Variants in UNC5C observed in about 807,000 individuals in gnomAD.
UNC5C encodes the protein netrin receptor UNC5C.
In UNC5C, 47 loss-of-function variants were observed where a neutral mutation model predicts 99.8. The observed-to-expected ratio is 0.47, with a 90% CI of 0.37 to 0.60. The LOEUF (loss-of-function observed/expected upper bound fraction) is 0.60, where lower values mean the gene tolerates loss of function less well. Among genes scored for constraint, UNC5C ranks in the 20% least tolerant of loss-of-function variants. The pLI, the probability that UNC5C is intolerant of heterozygous loss-of-function variation, is 0.00. For synonymous variants in UNC5C, 487 were observed against 452.2 expected, an observed-to-expected ratio of 1.08 and a Z score of -0.98; for missense variants, 1,062 against 1,165.9, an observed-to-expected ratio of 0.91 and a Z score of 1.30.
intron 1 of UNC5C, among the ~76,000 whole-genome samples, chr4:95,398,125 T>G (rs1224594337): frequency 7.4e-6 from 1 of 135,426 alleles, no homozygotes; most frequent in Non-Finnish European, 1.5e-5. Flanking sequence ...AGGAAGAAAA[T>G]TTATATCATT....
chr4:95,294,817 C>T (rs941450447), intron 3 of UNC5C, among the ~76,000 whole-genome samples: 1 of 152,150 alleles, frequency 6.6e-6, no homozygotes, highest in Non-Finnish European at 1.5e-5. Context: ...TATTATCATT[C>T]GCTGAGCATT....
rs1048050160 is a variant in UNC5C, at chr4:95,168,121, T to TTA, written c.*1112_*1113insTA. 93 of 151,406 alleles carry TTA rather than the reference T, an allele frequency of 6.1e-4. No homozygotes were observed. The highest frequency in any genetic ancestry group is 2.3e-3 in the African/African-American group (92 of 40,724). The allele number at this position is 151,406 out of a possible 1,614,324, so 9.4% of individuals were successfully genotyped here. Reference sequence around the variant, plus strand: ...ACGTGGGGCCACACAACGGCAATATTAAGTGAACTTAATAGAGAACACGTC... The same window carrying TTA: ...ACGTGGGGCCACACAACGGCAATATTTAAAGTGAACTTAATAGAGAACACGTC... On this transcript the variant is annotated 3_prime_UTR_variant, in exon 16 of 16. Transcript: ENST00000453304.
At chr4:95,514,027 C>T (rs755234347) in intron 1 of UNC5C, among the ~76,000 whole-genome samples, 1 of 152,150 alleles carries the variant, frequency 6.6e-6, no homozygotes, top group African/African-American at 2.4e-5. Context: ...ATCAAATTCG[C>T]TAAATTAGCC....
chr4:95,224,968 C>A (rs994993529), intron 7 of UNC5C, among the ~76,000 whole-genome samples: 1 of 151,156 alleles, frequency 6.6e-6, no homozygotes, highest in Non-Finnish European at 1.5e-5. Context: ...ATACGAAAGT[C>A]CTGACAGAAA....
At chr4:95,525,292 T>G (rs928553655) in intron 1 of UNC5C, among the ~76,000 whole-genome samples, 1 of 152,158 alleles carries the variant, frequency 6.6e-6, no homozygotes, top group African/African-American at 2.4e-5. Context: ...CTAAAATAAA[T>G]TATATCTGCT....
In UNC5C at chr4:95,487,004, G is replaced by A. The variant is rs566141904; in HGVS notation, c.124+61730C>T. On this transcript the variant is annotated intron_variant, in intron 1 of 15. Transcript: ENST00000453304. ...ACACATTCATATCTTGCTCTTTCTC[G>A]CTCACTCTTTGGCCTTTTCCCATGG... Among the ~76,000 whole-genome samples, 58 of 151,692 alleles carry A rather than the reference G, an allele frequency of 3.8e-4. 1 individual carries two copies. Among genetic ancestry groups the A allele is most frequent in the African/African-American group, 1.3e-3 (53 of 41,470 alleles).
chr4:95,220,663 T>C (rs1738438940), intron 7 of UNC5C, among the ~76,000 whole-genome samples: 1 of 152,202 alleles, frequency 6.6e-6, no homozygotes, highest in Non-Finnish European at 1.5e-5. Flanking sequence ...TCCATAGCAC[T>C]CTTCTCACTT....
intron 3 of UNC5C, 66 bp from the exon 4 acceptor site, chr4:95,278,428 C>CA (rs1385594161): frequency 7.5e-7 from 1 of 1,340,552 alleles, no homozygotes; most frequent in Non-Finnish European, 1.1e-6. Flanking sequence ...ACAGAGAGTA[C>CA]AAAAAATTTT....
intron 2 of UNC5C, among the ~76,000 whole-genome samples, chr4:95,306,449 G>A (rs539790015): frequency 5.3e-5 from 8 of 151,956 alleles, no homozygotes; most frequent in South Asian, 2.1e-4. Flanking sequence ...TGATCCACCC[G>A]CCTCGGCCTC....
At position 95,430,264 on chromosome 4, in the gene UNC5C, G is replaced by A. The variant is rs142778358; in HGVS notation, c.125-94633C>T. ...GGAGGCTATGCATATGTGGGAGGGA[G>A]TGCCATCTGTGGGATAGCTCTGTAC... On this transcript the variant is annotated intron_variant, in intron 1 of 15. Coordinates refer to ENST00000453304, the MANE Select transcript of UNC5C (RefSeq NM_003728.4). Among the ~76,000 whole-genome samples the A allele has an allele frequency of 5.4e-3, 824 of 152,142 alleles. 12 individuals are homozygous for A. The highest frequency in any genetic ancestry group is 0.018 in the African/African-American group (743 of 41,512).
chr4:95,298,126 A>G (rs1430400212), intron 3 of UNC5C, among the ~76,000 whole-genome samples: 1 of 152,200 alleles, frequency 6.6e-6, no homozygotes, highest in African/African-American at 2.4e-5. Context: ...CCTCGGTGAC[A>G]TGGTGAAACT....
intron 12 of UNC5C, among the ~76,000 whole-genome samples, chr4:95,195,211 C>A (rs1301964106): frequency 6.6e-6 from 1 of 152,072 alleles, no homozygotes; most frequent in African/African-American, 2.4e-5. Flanking sequence ...TGATGCAGAC[C>A]AAATTACTGT....
Position 95,475,816 on chromosome 4 carries a change from T to A in UNC5C, c.124+72918A>T, listed in dbSNP as rs951692723. ...AATCTGTTTCTGGCATAAGCCTGAA[T>A]AAAAACTATTACCAAATCATTCATT... On this transcript the variant is annotated intron_variant, in intron 1 of 15. Coordinates refer to ENST00000453304, the MANE Select transcript of UNC5C (RefSeq NM_003728.4). Among the ~76,000 whole-genome samples the A allele has an allele frequency of 3.9e-5, 6 of 152,234 alleles. No homozygotes were observed. In the South Asian group the frequency reaches 8.3e-4, roughly 21 times the overall value.
At chr4:95,300,703 G>C (rs1446470949) in intron 3 of UNC5C, among the ~76,000 whole-genome samples, 1 of 151,792 alleles carries the variant, frequency 6.6e-6, no homozygotes, top group Non-Finnish European at 1.5e-5. Context: ...CATCCCTAAA[G>C]AAAAATTACT....
chr4:95,307,175 TAAC>T (rs1345234894), intron 2 of UNC5C, among the ~76,000 whole-genome samples: 1 of 152,158 alleles, frequency 6.6e-6, no homozygotes, highest in Admixed American at 6.5e-5. Context: ...TGAAGTCACT[TAAC>T]AATCTTTAAC....
rs1739359538 is a variant in UNC5C at position 95,242,474 on chromosome 4, G to A, written c.1063C>T (p.Leu355Phe). The stretch of plus-strand genomic sequence containing the variant: ...GTGCAGTTCTTGGATTGCAAGACGA[G>A]GCCGTCGCAGTCCTTGCCTCCATTC... ...PKNGGKDCDG[L>F]VLQSKNCTDG... The change falls in exon 7 of 16, where the codon CTC becomes TTC. Residue 355 changes from leucine (L) to phenylalanine (F), a missense_variant. Physicochemically the swap from Leu to Phe is conservative, Grantham distance 22. Around this residue, in one of 3 missense-constraint regions of UNC5C, gnomAD observed 810 missense variants for 854.5 expected, o/e 0.95. Transcript: ENST00000453304. 2 of 1,613,892 alleles carry A rather than the reference G, an allele frequency of 1.2e-6. No individual in the cohort carries two copies. The highest frequency in any genetic ancestry group is 1.3e-5 in the African/African-American group (1 of 74,912).
At chr4:95,504,894 T>TA (rs1159117404) in intron 1 of UNC5C, among the ~76,000 whole-genome samples, 4 of 152,238 alleles carry the variant, frequency 2.6e-5, no homozygotes, top group African/African-American at 9.6e-5. Context: ...TTTATGATCT[T>TA]ATGATATTAA....
chr4:95,332,823 C>T (rs1050878213), intron 2 of UNC5C, among the ~76,000 whole-genome samples: 12 of 151,908 alleles, frequency 7.9e-5, no homozygotes, highest in African/African-American at 2.7e-4. Flanking sequence ...ACCTACTCAT[C>T]TGACAAAGGG....
At chr4:95,371,205 C>A (rs1375228998) in intron 1 of UNC5C, among the ~76,000 whole-genome samples, 1 of 152,094 alleles carries the variant, frequency 6.6e-6, no homozygotes, top group Non-Finnish European at 1.5e-5. Flanking sequence ...GTGATAGTCT[C>A]CTCAGTGTAA....
Sources: gnomAD v4.1 joint callset for allele counts (sites outside exome capture counted in the v4.1 genomes callset) on GRCh38, gnomAD v4.1.1 for gene constraint, gnomAD v4.1.1 regional missense constraint, MANE v1.5 for transcripts, NCBI Gene and HGNC (gene_info 2026-07-23, HGNC 2026-07-21) for gene names.